RGS6: variants seen among roughly 807,000 people sequenced by gnomAD.
The protein encoded by RGS6 is regulator of G protein signaling 6, also known as regulator of G-protein signaling 6.
Under a neutral mutation model 78.5 loss-of-function variants are expected in RGS6, and 30 were observed. That is an observed-to-expected ratio of 0.38 (90% CI 0.29 to 0.52). The LOEUF (loss-of-function observed/expected upper bound fraction) is 0.52, where lower values mean the gene tolerates loss of function less well. Ranked by LOEUF, RGS6 falls within the 20% of genes least tolerant of loss-of-function variation. The pLI is 0.85. For missense variants in RGS6, 495 were observed against 609.7 expected (o/e 0.81, Z 1.98); for synonymous variants, 206 against 206.0 (o/e 1.00, Z 0.00).
intron 2 of RGS6, among the ~76,000 whole-genome samples, chr14:72,156,831 C>G (rs2096780268): frequency 6.6e-6 from 1 of 152,176 alleles, no homozygotes; most frequent in Non-Finnish European, 1.5e-5. Context: ...TCAGGGACAG[C>G]CAGGCTGACT....
the RGS6 span, among the ~76,000 whole-genome samples, chr14:71,915,585 G>A: frequency 6.6e-6 from 1 of 152,110 alleles, no homozygotes; most frequent in East Asian, 1.9e-4. Context: ...ACTTTGTATA[G>A]CCTATGTCAG....
chr14:72,202,460 C>T (rs1034349426), intron 2 of RGS6, among the ~76,000 whole-genome samples: 2 of 152,176 alleles, frequency 1.3e-5, no homozygotes, highest in African/African-American at 2.4e-5. Flanking sequence ...GAGCAGCTCC[C>T]GTTCTTACCC....
chr14:72,131,007 G>A (rs1249693030), intron 2 of RGS6, among the ~76,000 whole-genome samples: 1 of 151,844 alleles, frequency 6.6e-6, no homozygotes, highest in Non-Finnish European at 1.5e-5. Context: ...TCTGCCTTGG[G>A]GAAAGCTCAA....
intron 2 of RGS6, among the ~76,000 whole-genome samples, chr14:72,055,717 A>G (rs1357966430): frequency 6.6e-6 from 1 of 152,166 alleles, no homozygotes; most frequent in African/African-American, 2.4e-5. Context: ...TCACTGCTTT[A>G]AAATACAGAA....
At chr14:72,451,499 T>C (rs891690875) in intron 3 of RGS6, among the ~76,000 whole-genome samples, 1 of 151,784 alleles carries the variant, frequency 6.6e-6, no homozygotes, top group Non-Finnish European at 1.5e-5. Flanking sequence ...GTTGGGGTGG[T>C]TGGGGGGAGC....
intron 1 of RGS6, among the ~76,000 whole-genome samples, chr14:71,952,295 C>T (rs997893831): frequency 6.6e-6 from 1 of 151,980 alleles, no homozygotes; most frequent in Admixed American, 6.6e-5. Context: ...AGCAAGCCCC[C>T]TTACATTTAA....
At chr14:71,998,994 G>A (rs941104760) in intron 2 of RGS6, among the ~76,000 whole-genome samples, 14 of 152,214 alleles carry the variant, frequency 9.2e-5, no homozygotes, top group Admixed American at 3.3e-4. Context: ...ACTTTGGGAG[G>A]CTGAGGCAGG....
chr14:71,948,740 C>CTTTTTTTTTT (rs71305831), intron 1 of RGS6, among the ~76,000 whole-genome samples: 6 of 65,178 alleles, frequency 9.2e-5, no homozygotes, highest in Admixed American at 4.7e-4. Flanking sequence ...CTCTCTCTCT[C>CTTTTTTTTTT]TTTTTTTTTT....
At chr14:72,279,171 AAAAAGCTGG>A (rs1054512800) in intron 2 of RGS6, among the ~76,000 whole-genome samples, 2 of 151,908 alleles carry the variant, frequency 1.3e-5, no homozygotes, top group African/African-American at 4.8e-5. Context: ...GAGAAACAGG[AAAAAGCTGG>A]AACCTACAAG....
chr14:72,224,646 GT>G (rs1187249261), intron 2 of RGS6, among the ~76,000 whole-genome samples: 2 of 152,164 alleles, frequency 1.3e-5, no homozygotes, highest in Non-Finnish European at 2.9e-5. Flanking sequence ...TAACTCATAA[GT>G]TTTTTTAGGA....
chr14:72,321,735 A>G (rs888634762), intron 2 of RGS6, among the ~76,000 whole-genome samples: 1 of 152,006 alleles, frequency 6.6e-6, no homozygotes, highest in African/African-American at 2.4e-5. Context: ...AAATAGAAAG[A>G]CTTTAATTAT....
intron 2 of RGS6, among the ~76,000 whole-genome samples, chr14:72,256,693 T>C (rs962926493): frequency 1.3e-5 from 2 of 152,188 alleles, no homozygotes; most frequent in Admixed American, 6.5e-5. Flanking sequence ...ACTAAATTCC[T>C]CCCATAGTTA....
chr14:72,388,887 T>C (rs567106722), intron 3 of RGS6, among the ~76,000 whole-genome samples: 2 of 152,314 alleles, frequency 1.3e-5, no homozygotes, highest in Admixed American at 6.5e-5. Flanking sequence ...TGAGTTAGTA[T>C]GTGAAAACAT....
the RGS6 span, among the ~76,000 whole-genome samples, chr14:72,591,538 C>A: frequency 6.6e-6 from 1 of 152,150 alleles, no homozygotes; most frequent in African/African-American, 2.4e-5. Flanking sequence ...ACCTAGAAAG[C>A]CCTCCAGGAA....
intron 2 of RGS6, among the ~76,000 whole-genome samples, chr14:72,216,114 A>G (rs1369726785): frequency 6.6e-6 from 1 of 152,248 alleles, no homozygotes; most frequent in Non-Finnish European, 1.5e-5. Context: ...ATATGGAAGT[A>G]TATGTTTCAC....
the RGS6 span, among the ~76,000 whole-genome samples, chr14:72,607,134 T>C: frequency 1.3e-5 from 2 of 152,266 alleles, no homozygotes; most frequent in East Asian, 3.9e-4. Context: ...TAGTTAACTT[T>C]CTCAGGTCCA....
intron 3 of RGS6, among the ~76,000 whole-genome samples, chr14:72,389,679 C>G (rs2089401097): frequency 6.6e-6 from 1 of 152,126 alleles, no homozygotes; most frequent in Admixed American, 6.5e-5. Context: ...TGTTTACCTC[C>G]TAAGATCCCC....
At chr14:72,245,154 A>G (rs2053908903) in intron 2 of RGS6, among the ~76,000 whole-genome samples, 3 of 152,210 alleles carry the variant, frequency 2.0e-5, no homozygotes. Context: ...CCCCTATAAC[A>G]AAAGACAGAG....
At chr14:72,035,140 C>T (rs11622026) in intron 2 of RGS6, among the ~76,000 whole-genome samples, 2 of 151,924 alleles carry the variant, frequency 1.3e-5, no homozygotes, top group East Asian at 1.9e-4. Flanking sequence ...CATTCACTGG[C>T]GGCCTTGGAA....
Sources: gnomAD v4.1 joint callset for allele counts (sites outside exome capture counted in the v4.1 genomes callset) on GRCh38, gnomAD v4.1.1 for gene constraint, MANE v1.5 for transcripts, NCBI Gene and HGNC (gene_info 2026-07-23, HGNC 2026-07-21) for gene names.